DYNC2LI1: variants seen among roughly 807,000 people sequenced by gnomAD.
The protein encoded by DYNC2LI1 is dynein cytoplasmic 2 light intermediate chain 1.
In DYNC2LI1, 45 loss-of-function variants were observed where a neutral mutation model predicts 51.9. The observed-to-expected ratio is 0.87, with a 90% CI of 0.68 to 1.11. DYNC2LI1 has a LOEUF of 1.11. DYNC2LI1 is among the 50% of genes most tolerant of loss of function. The pLI is 0.00. For missense variants in DYNC2LI1, 490 were observed against 417.4 expected, an observed-to-expected ratio of 1.17 and a Z score of -1.51; for synonymous variants, 130 against 137.8, an observed-to-expected ratio of 0.94 and a Z score of 0.40.
the DYNC2LI1 span, among the ~76,000 whole-genome samples, chr2:43,816,220 T>C: frequency 1.3e-5 from 2 of 152,352 alleles, no homozygotes; most frequent in East Asian, 3.9e-4. Context: ...GCAGGCCTAA[T>C]TGGTCCAAGG....
chr2:43,782,009 CTATG>C (rs904327228), intron 2 of DYNC2LI1, among the ~76,000 whole-genome samples: 27 of 126,622 alleles, frequency 2.1e-4, no homozygotes, highest in African/African-American at 8.5e-4. Flanking sequence ...TTGTTTCTGT[CTATG>C]TGTGTGTGTG....
chr2:43,788,509 G>A (rs1010640305), intron 4 of DYNC2LI1, among the ~76,000 whole-genome samples: 2 of 152,132 alleles, frequency 1.3e-5, no homozygotes, highest in African/African-American at 4.8e-5. Context: ...CACTTTGTCA[G>A]CTCCTCACAA....
chr2:43,776,934 T>A, intron 2 of DYNC2LI1, 35 bp downstream of exon 2: 2 of 1,070,138 alleles, frequency 1.9e-6, no homozygotes, highest in Non-Finnish European at 2.8e-6. Context: ...TTGTGATGAT[T>A]TAACAACCAT....
the DYNC2LI1 span, chr2:43,823,832 G>A: frequency 2.2e-3 from 3,371 of 1,507,098 alleles, 49 homozygotes; most frequent in African/African-American, 0.041. Context: ...CCCTTATAAT[G>A]GTAGACTTTT....
intron 2 of DYNC2LI1, 137 bp downstream of exon 2, chr2:43,777,036 G>T: frequency 2.2e-6 from 1 of 464,302 alleles, no homozygotes; most frequent in Non-Finnish European, 3.9e-6. Context: ...ATTAAAAAGT[G>T]CTTATTATTA....
chr2:43,813,709 GTTTTTTTTTTTTT>G (rs1214033245), downstream of DYNC2LI1, among the ~76,000 whole-genome samples: 255 of 34,056 alleles, frequency 7.5e-3, 2 homozygotes, highest in African/African-American at 0.031. Context: ...TTTTTTTTTC[GTTTTTTTTTTTTT>G]TTTTTTTTTT....
rs182285500 is a variant in DYNC2LI1, at chr2:43,795,928, C to T, written c.546C>T (p.Val182=). 1.3e-4 allele frequency: 211 copies of T among 1,613,410 alleles called. No individual in the cohort carries two copies. In the East Asian group the frequency reaches 4.6e-3, roughly 35 times the overall value. ...TTGACCCATTTCCGGTACCTCTGGT[C>T]ATAATTGGAAGTAAATATGATGTTT... The part of the protein sequence containing the change: ...ELIDPFPVPL[V]IIGSKYDVFQ... The change falls in exon 7 of 13, where the codon GTC becomes GTT. Residue 182 remains valine, a synonymous_variant. Coordinates refer to ENST00000260605, the MANE Select transcript of DYNC2LI1 (RefSeq NM_016008.4).
intron 5 of DYNC2LI1, chr2:43,792,624 A>G: frequency 1.3e-6 from 2 of 1,495,908 alleles, no homozygotes; most frequent in Non-Finnish European, 1.8e-6. Context: ...GATCTTCTCA[A>G]ACTGAAACTC....
intron 1 of DYNC2LI1, chr2:43,775,931 C>CTGACCTCAA (rs1458720061): frequency 5.9e-6 from 1 of 170,070 alleles, no homozygotes; most frequent in Non-Finnish European, 1.2e-5. Context: ...TCTTGAACTC[C>CTGACCTCAA]TGACCTCAAG....
chr2:43,794,329 A>G (rs1558683755), intron 5 of DYNC2LI1, 128 bp from the exon 6 acceptor site: 1 of 1,056,388 alleles, frequency 9.5e-7, no homozygotes. Flanking sequence ...GGAGTCTTAG[A>G]ATAATGCTAC....
At chr2:43,785,144 C>T (rs959550128) in intron 3 of DYNC2LI1, among the ~76,000 whole-genome samples, 1 of 151,496 alleles carries the variant, frequency 6.6e-6, no homozygotes, top group Non-Finnish European at 1.5e-5. Context: ...CCAAAAGATA[C>T]AAAAATTAGC....
At position 43,776,904 on chromosome 2, in the gene DYNC2LI1, T is replaced by G; in HGVS notation, c.126+5T>G. On this transcript the variant is annotated splice_donor_5th_base_variant and intron_variant, in intron 2 of 12. Transcript: ENST00000260605. Reference sequence around the variant, plus strand: ...TTCATTGGCAGTAAAAATGGGGTAATGCTTTCTTTTTTTCAATTATTGTGA... The same window carrying G: ...TTCATTGGCAGTAAAAATGGGGTAAGGCTTTCTTTTTTTCAATTATTGTGA... The G allele has an allele frequency of 7.2e-7, 1 of 1,388,548 alleles. No individual in the cohort carries two copies. Among genetic ancestry groups the G allele is most frequent in the Admixed American group, 1.9e-5 (1 of 54,004 alleles). The allele number at this position is 1,388,548 out of a possible 1,614,324, so 86.0% of individuals were successfully genotyped here.
intron 3 of DYNC2LI1, among the ~76,000 whole-genome samples, chr2:43,786,141 A>G (rs560278467): frequency 6.6e-6 from 1 of 152,192 alleles, no homozygotes; most frequent in Non-Finnish European, 1.5e-5. Flanking sequence ...AATGATGCCC[A>G]TGTTTGGGCT....
intron 2 of DYNC2LI1, 128 bp downstream of exon 2, chr2:43,777,027 T>A (rs983072613): frequency 2.0e-6 from 1 of 493,404 alleles, no homozygotes; most frequent in African/African-American, 2.0e-5. Context: ...TTAGCATGAA[T>A]TAAAAAGTGC....
At chr2:43,799,409 T>C (rs1396290951) in intron 8 of DYNC2LI1, among the ~76,000 whole-genome samples, 1 of 152,172 alleles carries the variant, frequency 6.6e-6, no homozygotes, top group East Asian at 1.9e-4. Context: ...AAAATTATTA[T>C]ATATGAGGAC....
chr2:43,819,801 G>T, the DYNC2LI1 span: 2 of 1,125,668 alleles, frequency 1.8e-6, no homozygotes, highest in South Asian at 2.6e-5. Context: ...TAGACTATAA[G>T]GTAATATCCA....
At chr2:43,781,442 A>G (rs1478859235) in intron 2 of DYNC2LI1, among the ~76,000 whole-genome samples, 1 of 151,816 alleles carries the variant, frequency 6.6e-6, no homozygotes, top group African/African-American at 2.4e-5. Context: ...ATTTGAGGAA[A>G]TTGGCTAGAT....
chr2:43,818,265 G>A, the DYNC2LI1 span, among the ~76,000 whole-genome samples: 2 of 151,974 alleles, frequency 1.3e-5, no homozygotes, highest in Non-Finnish European at 2.9e-5. Context: ...CCAACATGGC[G>A]AAACCCCATC....
At chr2:43,783,628 C>A (rs1673391988) in intron 3 of DYNC2LI1, 74 bp downstream of exon 3, 1 of 966,466 alleles carries the variant, frequency 1.0e-6, no homozygotes, top group Non-Finnish European at 1.5e-6. Flanking sequence ...CTCTAAAAGA[C>A]ATAAGGAAGG....
Sources: allele counts gnomAD v4.1 joint callset (sites outside exome capture counted in the v4.1 genomes callset), GRCh38; gene constraint gnomAD v4.1.1; transcripts MANE v1.5; gene names NCBI Gene and HGNC (gene_info 2026-07-23, HGNC 2026-07-21).